The following POLB variants were observed in gnomAD, a reference collection of about 807,000 sequenced individuals.
The protein encoded by POLB is 5'-dRP lyase.
In POLB, 37 loss-of-function variants were observed where a neutral mutation model predicts 52.7. That is an observed-to-expected ratio of 0.70 (90% CI 0.54 to 0.92). POLB has a LOEUF of 0.92. Ranked by LOEUF, POLB falls within the 40% of genes least tolerant of loss-of-function variation. The pLI is 0.00. For missense variants in POLB, 313 were observed against 400.8 expected (o/e 0.78, Z 1.87); for synonymous variants, 138 against 131.3 (o/e 1.05, Z -0.35).
At chr8:42,365,325 CTG>C (rs976903991) in intron 11 of POLB, among the ~76,000 whole-genome samples, 31 of 152,170 alleles carry the variant, frequency 2.0e-4, no homozygotes, top group African/African-American at 7.5e-4. Context: ...TCTCTTGACT[CTG>C]TCAAGTTTTG....
chr8:42,352,373 A>T (rs1020800277), intron 5 of POLB, 146 bp from the exon 6 acceptor site: 4 of 653,976 alleles, frequency 6.1e-6, no homozygotes, highest in African/African-American at 3.6e-5. Flanking sequence ...CGTACTTCGG[A>T]TACAGTTGAA....
At chr8:42,365,402 A>G (rs1563407622) in intron 11 of POLB, among the ~76,000 whole-genome samples, 1 of 152,230 alleles carries the variant, frequency 6.6e-6, no homozygotes, top group Non-Finnish European at 1.5e-5. Flanking sequence ...GGGCTTGTGT[A>G]TGCCCCATGA....
intron 4 of POLB, 38 bp from the exon 5 acceptor site, chr8:42,349,969 A>G: frequency 7.3e-7 from 1 of 1,368,848 alleles, no homozygotes; most frequent in Non-Finnish European, 1.0e-6. Context: ...TCCTCAAAGC[A>G]TTCCTAAATC....
intron 11 of POLB, among the ~76,000 whole-genome samples, chr8:42,368,775 G>T (rs1824195344): frequency 6.6e-6 from 1 of 151,970 alleles, no homozygotes; most frequent in Admixed American, 6.6e-5. Flanking sequence ...TTTTACTTCT[G>T]CTACCTATCA....
chr8:42,355,363 T>C (rs937574178), intron 6 of POLB, 153 bp from the exon 7 acceptor site: 13 of 605,480 alleles, frequency 2.1e-5, no homozygotes, highest in Non-Finnish European at 3.4e-5. Context: ...TATCTAGCTC[T>C]TCATATCTGA....
At chr8:42,350,149 A>G (rs1822885742) in intron 5 of POLB, 84 bp downstream of exon 5, 1 of 890,074 alleles carries the variant, frequency 1.1e-6, no homozygotes, top group East Asian at 2.4e-5. Flanking sequence ...CTGTTTCTCA[A>G]AACCTGTACT....
chr8:42,346,989 ACTC>A (rs909397759), intron 3 of POLB, among the ~76,000 whole-genome samples: 9 of 151,818 alleles, frequency 5.9e-5, no homozygotes, highest in African/African-American at 1.9e-4. Flanking sequence ...CTCAGGAACT[ACTC>A]CTGCTTCCAT....
At chr8:42,341,440 T>G (rs575739264) in intron 2 of POLB, among the ~76,000 whole-genome samples, 4 of 152,178 alleles carry the variant, frequency 2.6e-5, no homozygotes, top group Non-Finnish European at 4.4e-5. Context: ...CAAATCCAAA[T>G]ATAAAGGGTT....
intron 2 of POLB, among the ~76,000 whole-genome samples, chr8:42,343,321 CAAA>C (rs1157325948): frequency 7.1e-4 from 2 of 2,816 alleles, no homozygotes; most frequent in Admixed American, 9.8e-3. Flanking sequence ...GACTGCGTCT[CAAA>C]AAAAAAAAAA....
chr8:42,352,490 A>T (rs1262491378), intron 5 of POLB, 29 bp from the exon 6 acceptor site: 3 of 1,500,274 alleles, frequency 2.0e-6, no homozygotes, highest in Non-Finnish European at 2.8e-6. Context: ...GTTTCACCCA[A>T]TGTTGAGATA....
intron 9 of POLB, among the ~76,000 whole-genome samples, chr8:42,359,501 C>T (rs1460197614): frequency 1.3e-5 from 2 of 150,432 alleles, no homozygotes; most frequent in East Asian, 2.0e-4. Context: ...ACCACAGGCA[C>T]GTGCCACCAC....
intron 2 of POLB, chr8:42,342,437 C>T: frequency 7.3e-7 from 1 of 1,376,846 alleles, no homozygotes; most frequent in East Asian, 2.3e-5. Context: ...TCTATACGGG[C>T]ATAAGCAATC....
rs766014820 is a variant in POLB at position 42,363,434 on chromosome 8, G to C, written c.708+736G>C. Among the ~76,000 whole-genome samples the C allele has an allele frequency of 8.7e-5, 13 of 150,218 alleles. No homozygotes were observed. The East Asian group carries it at 9.8e-4, about 11-fold the overall frequency. The stretch of plus-strand genomic sequence containing the variant: ...TCCCAGCTTTTCGGGAGGCTGAGGC[G>C]GGAGAATCACTTGAACCCGGGAGGC... On this transcript the variant is annotated intron_variant, in intron 11 of 13. Coordinates refer to ENST00000265421, the MANE Select transcript of POLB (RefSeq NM_002690.3).
intron 1 of POLB, 104 bp from the exon 2 acceptor site, chr8:42,338,908 G>C: frequency 1.9e-6 from 2 of 1,064,966 alleles, no homozygotes; most frequent in Non-Finnish European, 2.9e-6. Flanking sequence ...TGGAGGAAAC[G>C]GGTGGTCACT....
chr8:42,363,077 C>G (rs55732399), intron 11 of POLB, among the ~76,000 whole-genome samples: 2 of 150,404 alleles, frequency 1.3e-5, no homozygotes, highest in Non-Finnish European at 3.0e-5. Context: ...GAGCATAGAT[C>G]GTGCCACTGC....
At chr8:42,350,880 T>G (rs1822939216) in intron 5 of POLB, among the ~76,000 whole-genome samples, 2 of 152,174 alleles carry the variant, frequency 1.3e-5, no homozygotes, top group Admixed American at 6.5e-5. Context: ...AAATTTTTTT[T>G]TTTTTTTAGA....
At chr8:42,340,215 G>A (rs1822115087) in intron 2 of POLB, 1 of 152,030 alleles carries the variant, frequency 6.6e-6, no homozygotes, top group African/African-American at 2.4e-5. Context: ...TTTTAATGTT[G>A]GTATAGGTTG....
chr8:42,342,062 TG>T, intron 2 of POLB: 2 of 892,320 alleles, frequency 2.2e-6, no homozygotes, highest in African/African-American at 1.6e-5. Flanking sequence ...GTTGTGCTTC[TG>T]GTGTAATTCT....
intron 9 of POLB, among the ~76,000 whole-genome samples, chr8:42,359,709 A>G (rs770478232): frequency 4.6e-5 from 7 of 150,946 alleles, no homozygotes; most frequent in Non-Finnish European, 1.0e-4. Context: ...GCATGCATGT[A>G]TCATACTTCA....
Sources: gnomAD v4.1 joint callset for allele counts (sites outside exome capture counted in the v4.1 genomes callset) on GRCh38, gnomAD v4.1.1 for gene constraint, MANE v1.5 for transcripts, NCBI Gene and HGNC (gene_info 2026-07-23, HGNC 2026-07-21) for gene names.